BTK: variants seen among roughly 807,000 people sequenced by gnomAD.
The protein encoded by BTK is Bruton tyrosine kinase.
Under a neutral mutation model 57.4 loss-of-function variants are expected in BTK, and 5 were observed. The observed-to-expected ratio is 0.09, with a 90% CI of 0.05 to 0.18. The LOEUF is 0.18. Ranked by LOEUF, BTK falls within the 10% of genes least tolerant of loss-of-function variation. The probability of loss-of-function intolerance (pLI) is 1.00; values close to 1 mark genes in which losing one functional copy is unlikely to be tolerated. For missense variants in BTK, 194 were observed against 501.2 expected (o/e 0.39, Z 5.85); for synonymous variants, 154 against 174.3 (o/e 0.88, Z 0.92).
chrX:101,356,505 G>A lies in BTK; in HGVS notation c.1350-237C>T, dbSNP rs1464802240. On this transcript the variant is annotated intron_variant, in intron 14 of 18. Coordinates refer to ENST00000308731, the MANE Select transcript of BTK (RefSeq NM_000061.3). ...AGTCCAGGAATGAAAGAACGCTAAG[G>A]CTAAATTAGAATATTTCTCTTGAAA... is the stretch of plus-strand genomic sequence containing the variant. 5 of 447,120 alleles carry A rather than the reference G, an allele frequency of 1.1e-5. No individual in the cohort carries two copies. The African/African-American group carries it at 1.2e-4, about 11-fold the overall frequency. 36.8% of individuals were successfully genotyped at this position (447,120 alleles called of 1,213,427 possible). A position where few individuals can be genotyped will look rare whatever the true frequency, so the allele number is the denominator to read the frequency against.
upstream of BTK, among the ~76,000 whole-genome samples, chrX:101,387,936 G>C (rs1202863885): frequency 9.4e-6 from 1 of 106,585 alleles, no homozygotes; most frequent in Non-Finnish European, 1.9e-5. Flanking sequence ...GCATGATCTC[G>C]GCTCACTGCA....
chrX:101,382,675 G>A lies in BTK; in HGVS notation c.-31+3387C>T, dbSNP rs150179819. Among the ~76,000 whole-genome samples the A allele has an allele frequency of 3.3e-4, 37 of 111,585 alleles. No homozygotes were observed. The East Asian group carries it at 7.6e-3, about 23-fold the overall frequency. ...CTGATGATGGAAGGAGAGCCAGAGA[G>A]CCAATCTGCAAGTTTATAGTCAGTG... is the stretch of plus-strand genomic sequence containing the variant. On this transcript the variant is annotated intron_variant, in intron 1 of 18. Transcript: ENST00000308731.
intron 1 of BTK, among the ~76,000 whole-genome samples, chrX:101,377,168 T>C (rs782711866): frequency 2.1e-4 from 23 of 110,838 alleles, no homozygotes; most frequent in Non-Finnish European, 1.9e-4. Flanking sequence ...CTCACTGGAG[T>C]GACAAATTGA....
chrX:101,375,031 G>T, intron 2 of BTK, 113 bp downstream of exon 2: 1 of 910,664 alleles, frequency 1.1e-6, no homozygotes, highest in Non-Finnish European at 1.6e-6. Context: ...AAAGAACTTA[G>T]GTCCATTCTA....
chrX:101,367,870 T>A (rs1926911752), intron 5 of BTK, among the ~76,000 whole-genome samples: 1 of 111,353 alleles, frequency 9.0e-6, no homozygotes, highest in African/African-American at 3.3e-5. Flanking sequence ...GGTTGTTTAT[T>A]CCCACAGATA....
chrX:101,366,233 C>T (rs1305137429), intron 5 of BTK, among the ~76,000 whole-genome samples: 1 of 111,685 alleles, frequency 9.0e-6, no homozygotes, highest in Non-Finnish European at 1.9e-5. Context: ...GATTGTGCCA[C>T]TGCACTCCAG....
chrX:101,373,694 T>C (rs1312688482), intron 3 of BTK, among the ~76,000 whole-genome samples: 1 of 112,228 alleles, frequency 8.9e-6, no homozygotes, highest in Non-Finnish European at 1.9e-5. Context: ...GTATTTTTTA[T>C]ATATTCCAGA....
chrX:101,362,457 C>T, intron 6 of BTK, 104 bp downstream of exon 6: 3 of 1,153,841 alleles, frequency 2.6e-6, no homozygotes, highest in Non-Finnish European at 2.4e-6. Context: ...TGTTTAGCAC[C>T]CAAAGTGTAC....
At chrX:101,381,639 C>G (rs1927428972) in intron 1 of BTK, among the ~76,000 whole-genome samples, 1 of 112,029 alleles carries the variant, frequency 8.9e-6, no homozygotes, top group African/African-American at 3.2e-5. Flanking sequence ...TTACCAATAT[C>G]TTGAATTTGG....
chrX:101,356,770 G>C lies in BTK; in HGVS notation c.1349+14C>G. ...AGCAAATAGATTGAGAGTTGAGTTTGGGCTATAACTCACATCATGACTTTG... is the reference window on the plus strand; with the variant it reads ...AGCAAATAGATTGAGAGTTGAGTTTCGGCTATAACTCACATCATGACTTTG... On this transcript the variant is annotated intron_variant, in intron 14 of 18. Transcript: ENST00000308731. 8.3e-7 allele frequency: 1 copy of C among 1,209,190 alleles called. No homozygotes were observed. Among genetic ancestry groups the C allele is most frequent in the Non-Finnish European group, 1.1e-6 (1 of 893,218 alleles).
chrX:101,382,634 A>G (rs1406883417), intron 1 of BTK, among the ~76,000 whole-genome samples: 1 of 111,198 alleles, frequency 9.0e-6, no homozygotes, highest in African/African-American at 3.3e-5. Context: ...CATTAGCGAC[A>G]ATATATTCTG....
chrX:101,364,173 C>T (rs1926771762), intron 5 of BTK, among the ~76,000 whole-genome samples: 1 of 109,002 alleles, frequency 9.2e-6, no homozygotes, highest in South Asian at 3.9e-4. Context: ...CTTTGGGAGG[C>T]AGAGGCGGGT....
intron 1 of BTK, chrX:101,378,061 G>A (rs1555981302): frequency 1.8e-5 from 2 of 108,862 alleles, no homozygotes; most frequent in African/African-American, 3.4e-5. Flanking sequence ...AGCTTCTGTG[G>A]GTACTTATTG....
intron 18 of BTK, among the ~76,000 whole-genome samples, chrX:101,350,739 G>A (rs1279973784): frequency 9.0e-6 from 1 of 111,259 alleles, no homozygotes; most frequent in East Asian, 2.8e-4. Flanking sequence ...GAGCCACCGC[G>A]CCCGGCCTAC....
intron 10 of BTK, 65 bp from the exon 11 acceptor site, chrX:101,358,761 C>T (rs1361663584): frequency 2.2e-6 from 2 of 923,826 alleles, no homozygotes; most frequent in Non-Finnish European, 3.2e-6. Flanking sequence ...TCCCACCTGC[C>T]CAAACTTGAG....
rs1927161758 is a variant in BTK at position 101,375,037 on chromosome X, T to G, written c.141+107A>C. On this transcript the variant is annotated intron_variant, in intron 2 of 18. Coordinates refer to ENST00000308731, the MANE Select transcript of BTK (RefSeq NM_000061.3). ...CTGAATTTGAAAGAACTTAGGTCCA[T>G]TCTACTCCCCTCCTCCTACCAACGA... 4.1e-6 allele frequency: 4 copies of G among 982,583 alleles called. No individual in the cohort carries two copies. The Admixed American group carries it at 9.0e-5, about 22-fold the overall frequency. 81.0% of individuals were successfully genotyped at this position (982,583 alleles called of 1,213,427 possible).
intron 5 of BTK, among the ~76,000 whole-genome samples, chrX:101,367,028 G>C (rs1555979521): frequency 1.8e-5 from 2 of 111,434 alleles, no homozygotes; most frequent in African/African-American, 6.5e-5. Context: ...TGGATCACCT[G>C]AGGTCAGGAG....
chrX:101,352,942 T>A, intron 18 of BTK: 1 of 336,924 alleles, frequency 3.0e-6, no homozygotes, highest in Non-Finnish European at 5.1e-6. Context: ...GGTGCACGCC[T>A]ATAATCCCAG....
upstream of BTK, among the ~76,000 whole-genome samples, chrX:101,387,422 G>A (rs1175587047): frequency 2.0e-5 from 2 of 102,040 alleles, no homozygotes; most frequent in Non-Finnish European, 2.0e-5. Flanking sequence ...CGTGATCATG[G>A]CTCACTGCAG....
Sources: allele counts gnomAD v4.1 joint callset (sites outside exome capture counted in the v4.1 genomes callset), GRCh38; gene constraint gnomAD v4.1.1; transcripts MANE v1.5; gene names NCBI Gene and HGNC (gene_info 2026-07-23, HGNC 2026-07-21).